The following THSD7B variants were observed in gnomAD, a reference collection of about 807,000 sequenced individuals.
THSD7B encodes the protein thrombospondin type-1 domain-containing protein 7B.
A neutral mutation model predicts 213.6 loss-of-function variants in THSD7B; 138 were observed. The ratio of observed to expected loss-of-function variants is 0.65; its 90% CI spans 0.56 to 0.74. THSD7B has a LOEUF of 0.74. Ranked by LOEUF, THSD7B falls within the 30% of genes least tolerant of loss-of-function variation. The probability of loss-of-function intolerance (pLI) is 0.00; values close to 1 mark genes in which losing one functional copy is unlikely to be tolerated. For missense variants in THSD7B, 1,931 were observed against 1,991.5 expected (o/e 0.97, Z 0.58); for synonymous variants, 742 against 687.0 (o/e 1.08, Z -1.25).
intron 15 of THSD7B, chr2:137,538,374 G>T: frequency 2.3e-6 from 1 of 434,682 alleles, no homozygotes; most frequent in Non-Finnish European, 4.5e-6. Flanking sequence ...GAATGATCAG[G>T]GGAAAGGATT....
intron 20 of THSD7B, among the ~76,000 whole-genome samples, chr2:137,621,338 GA>G (rs1358208059): frequency 1.3e-5 from 2 of 152,204 alleles, no homozygotes; most frequent in Non-Finnish European, 2.9e-5. Context: ...GGCAGGGAAG[GA>G]AATGTACTTT....
intron 3 of THSD7B, among the ~76,000 whole-genome samples, chr2:137,083,242 A>T (rs917567579): frequency 6.6e-6 from 1 of 152,140 alleles, no homozygotes; most frequent in Non-Finnish European, 1.5e-5. Context: ...TTTATCAAAT[A>T]ACACCTAAGT....
chr2:136,929,999 A>G (rs947734541), intron 2 of THSD7B, among the ~76,000 whole-genome samples: 3 of 152,204 alleles, frequency 2.0e-5, no homozygotes, highest in African/African-American at 7.2e-5. Context: ...TCTTTAGGGT[A>G]TGGAAGAAGG....
At chr2:137,537,886 A>G (rs1680535751) in intron 15 of THSD7B, among the ~76,000 whole-genome samples, 1 of 151,858 alleles carries the variant, frequency 6.6e-6, no homozygotes, top group African/African-American at 2.4e-5. Flanking sequence ...CCCTGCCCTC[A>G]GGGAGCACAC....
intron 5 of THSD7B, among the ~76,000 whole-genome samples, chr2:137,117,079 T>TAA (rs1298891023): frequency 6.6e-6 from 1 of 152,180 alleles, no homozygotes; most frequent in Non-Finnish European, 1.5e-5. Context: ...ATATAGTGAG[T>TAA]AAAACTATGC....
chr2:137,218,317 CAA>C (rs1413963471), intron 7 of THSD7B, among the ~76,000 whole-genome samples: 11 of 152,208 alleles, frequency 7.2e-5, no homozygotes, highest in African/African-American at 2.6e-4. Flanking sequence ...GAGAATTTGA[CAA>C]TGATATAAAG....
At chr2:137,451,058 A>C in intron 15 of THSD7B, 35 bp downstream of exon 15, 1 of 1,492,370 alleles carries the variant, frequency 6.7e-7, no homozygotes, top group East Asian at 2.5e-5. Flanking sequence ...AAAAGCTAAA[A>C]AAGCTATCCT....
At chr2:136,985,923 G>A (rs1685665402) in intron 2 of THSD7B, among the ~76,000 whole-genome samples, 1 of 152,248 alleles carries the variant, frequency 6.6e-6, no homozygotes, top group African/African-American at 2.4e-5. Context: ...GGTACATGGA[G>A]TCAAAGGAGA....
chr2:136,934,332 G>A (rs1467014455), intron 2 of THSD7B, among the ~76,000 whole-genome samples: 1 of 152,094 alleles, frequency 6.6e-6, no homozygotes, highest in Non-Finnish European at 1.5e-5. Flanking sequence ...ATTTTTGGCT[G>A]AAAACATGTT....
At position 137,616,239 on chromosome 2, in the gene THSD7B, G is replaced by A. The variant is rs1423919756; in HGVS notation, c.3488G>A (p.Arg1163Lys). The change falls in exon 18 of 28, where the codon AGG (arginine) becomes AAG (lysine). Residue 1163 changes from arginine to lysine, a missense_variant. By Grantham distance (26) the Arg-to-Lys change is conservative (BLOSUM62 2). Coordinates refer to ENST00000409968, the MANE Select transcript of THSD7B (RefSeq NM_001316349.2). ...CTGCTAAGACCATCACTGAACTCAA[G>A]GACTTGTGCTGAAGACTCACAGGTG... ...RHLLRPSLNS[R>K]TCAEDSQVQP... 6.2e-7 allele frequency: 1 copy of A among 1,613,786 alleles called. No individual in the cohort carries two copies.
chr2:137,176,917 A>G (rs1292715464), intron 7 of THSD7B, among the ~76,000 whole-genome samples: 1 of 151,746 alleles, frequency 6.6e-6, no homozygotes, highest in African/African-American at 2.4e-5. Flanking sequence ...CCCAATAAGT[A>G]CTTGTCCGGG....
At chr2:136,833,730 C>T (rs1045905432) in intron 1 of THSD7B, among the ~76,000 whole-genome samples, 1 of 152,114 alleles carries the variant, frequency 6.6e-6, no homozygotes, top group Non-Finnish European at 1.5e-5. Context: ...ATAATTTAGA[C>T]CATCATTAAG....
chr2:136,822,658 C>T (rs1239030134), intron 1 of THSD7B, among the ~76,000 whole-genome samples: 2 of 152,092 alleles, frequency 1.3e-5, no homozygotes, highest in African/African-American at 4.8e-5. Context: ...TTAAAATATG[C>T]ATAAATTCAT....
intron 14 of THSD7B, among the ~76,000 whole-genome samples, chr2:137,441,815 G>A (rs182790683): frequency 2.0e-4 from 31 of 152,082 alleles, no homozygotes; most frequent in Non-Finnish European, 4.6e-4. Flanking sequence ...ATGAGAAAAG[G>A]CACCCAAATT....
chr2:137,020,657 G>A (rs1213609549), intron 2 of THSD7B, among the ~76,000 whole-genome samples: 2 of 152,010 alleles, frequency 1.3e-5, no homozygotes, highest in African/African-American at 4.8e-5. Context: ...ATCCCCATTA[G>A]CCTCCAGGCA....
chr2:137,056,940 G>C lies in THSD7B; in HGVS notation c.660G>C (p.Leu220=). 2 of 1,613,898 alleles carry C rather than the reference G, an allele frequency of 1.2e-6. No individual in the cohort carries two copies. Among genetic ancestry groups the C allele is most frequent in the South Asian group, 1.1e-5 (1 of 91,078 alleles). Residue 220 remains leucine, a synonymous_variant, in exon 3 of 28, where the codon CTG becomes CTC. Coordinates refer to ENST00000409968, the MANE Select transcript of THSD7B (RefSeq NM_001316349.2). ...TTGGTGGTTTGCAATGTCCAAATCT[G>C]ACTGAGTCAAGAGCCTGTGATGCTC... ...PLFGGLQCPN[L]TESRACDAPI...
rs544362981 is a variant in THSD7B at position 137,075,312 on chromosome 2, T to C, written c.950+18082T>C. 2.6e-5 allele frequency among the ~76,000 whole-genome samples: 4 copies of C among 152,308 alleles called. No individual in the cohort carries two copies. The East Asian group carries it at 7.7e-4, about 29-fold the overall frequency. ...TTTTATTCTTTTTTCTCTAAACTTC[T>C]CTTCTCACTTCATTTCATTCATTTT... is the stretch of plus-strand genomic sequence containing the variant. On this transcript the variant is annotated intron_variant, in intron 3 of 27. Transcript: ENST00000409968.
At chr2:137,110,649 T>G (rs1185893630) in intron 4 of THSD7B, among the ~76,000 whole-genome samples, 1 of 152,184 alleles carries the variant, frequency 6.6e-6, no homozygotes, top group Admixed American at 6.5e-5. Context: ...AAAGACATTC[T>G]TTTTCAAAAA....
chr2:136,910,961 A>G (rs917769372), intron 2 of THSD7B, among the ~76,000 whole-genome samples: 1 of 152,098 alleles, frequency 6.6e-6, no homozygotes, highest in Non-Finnish European at 1.5e-5. Context: ...AATATTTACA[A>G]TTCACTAAGC....
Sources: allele counts gnomAD v4.1 joint callset (sites outside exome capture counted in the v4.1 genomes callset), GRCh38; gene constraint gnomAD v4.1.1; transcripts MANE v1.5; gene names NCBI Gene and HGNC (gene_info 2026-07-23, HGNC 2026-07-21).